CIC: variants seen among roughly 807,000 people sequenced by gnomAD.
The protein encoded by CIC is capicua transcriptional repressor.
CIC carries 18 observed loss-of-function variants against 115.7 expected under a neutral mutation model. The observed-to-expected ratio is 0.16, with a 90% CI of 0.11 to 0.23. The LOEUF is 0.23. Ranked by LOEUF, CIC falls within the 10% of genes least tolerant of loss-of-function variation. The pLI, the probability that CIC is intolerant of heterozygous loss-of-function variation, is 1.00. For missense variants in CIC, 2,000 were observed against 2,159.3 expected (o/e 0.93, Z 1.46); for synonymous variants, 1,076 against 923.0 (o/e 1.17, Z -3.01).
intron 1 of CIC, 124 bp downstream of exon 1, chr19:42,269,505 G>A (rs1402955311): frequency 7.2e-6 from 1 of 138,840 alleles, no homozygotes; most frequent in Non-Finnish European, 1.6e-5. Context: ...ATGGTGGGAA[G>A]GGAGGAGGGA....
In CIC at chr19:42,293,172, C is replaced by T; in HGVS notation, c.6413C>T (p.Pro2138Leu). The change falls in exon 16 of 21, where the codon CCA becomes CTA. Residue 2138 changes from proline (P) to leucine (L), a missense_variant. Pro to Leu is a moderately conservative substitution (Grantham distance 98). Around this residue, in one of 8 missense-constraint regions of CIC, gnomAD observed 1,466 missense variants for 1,390.4 expected, o/e 1.05. Coordinates refer to ENST00000681038, the MANE Select transcript of CIC (RefSeq NM_001386298.1). ...TCTGAGCTTGAGGGGCAGCCCACAC[C>T]ACCAGCCCCTCCACCCCTGCCAGAG... is the stretch of plus-strand genomic sequence containing the variant. ...PESELEGQPTPPAPPPLPETW... is the reference protein window; with the variant it reads ...PESELEGQPTLPAPPPLPETW... 1 of 1,603,634 alleles carries T rather than the reference C, an allele frequency of 6.2e-7. No individual in the cohort carries two copies. The highest frequency in any genetic ancestry group is 8.5e-7 in the Non-Finnish European group (1 of 1,175,910).
chr19:42,292,053 C>A, intron 12 of CIC, 33 bp from the exon 13 acceptor site: 1 of 1,612,718 alleles, frequency 6.2e-7, no homozygotes. Context: ...GGGGCCACAG[C>A]TCACCCTGGC....
Position 42,293,585 on chromosome 19 carries a change from A to T in CIC, c.6523-7A>T, listed in dbSNP as rs768237264. On this transcript the variant is annotated splice_region_variant and splice_polypyrimidine_tract_variant and intron_variant, in intron 16 of 20. Coordinates refer to ENST00000681038, the MANE Select transcript of CIC (RefSeq NM_001386298.1). ...GTTCGCCATCTCCCTGCCCATCTCC[A>T]CCCCAGGCCAGCAAATTCCCCAGCT... The T allele has an allele frequency of 8.1e-6, 13 of 1,613,082 alleles. No individual in the cohort carries two copies. Among genetic ancestry groups the T allele is most frequent in the Non-Finnish European group, 1.1e-5 (13 of 1,179,908 alleles).
rs750915169 is a variant in CIC, at chr19:42,287,052, G to A, written c.2991G>A (p.Gly997=). Reference sequence around the variant, plus strand: ...TTGCTCATGAACGGCCACCAGGTGGGACAGGGAGTGCTGACCCTGAGCGGC... The same window carrying A: ...TTGCTCATGAACGGCCACCAGGTGGAACAGGGAGTGCTGACCCTGAGCGGC... ...AAVAHERPPG[G]TGSADPERPP... The change falls in exon 4 of 21, where the codon GGG becomes GGA. Residue 997 remains glycine, a synonymous_variant. Transcript: ENST00000681038. This position sits in a 1 kb window ranked among gnomAD's most constrained non-coding sequence, Gnocchi z 8.7. 4 of 1,612,260 alleles carry A rather than the reference G, an allele frequency of 2.5e-6. No individual in the cohort carries two copies. In the South Asian group the frequency reaches 3.3e-5, roughly 13 times the overall value.
At chr19:42,290,072 C>T (rs2037962758) in intron 10 of CIC, 121 bp downstream of exon 10, 18 of 1,371,788 alleles carry the variant, frequency 1.3e-5, no homozygotes, top group East Asian at 6.9e-5. Flanking sequence ...CTGCTTGCCC[C>T]GTGGGGAGTT....
At chr19:42,271,148 A>ATG (rs138257875) in intron 1 of CIC, among the ~76,000 whole-genome samples, 19 of 152,048 alleles carry the variant, frequency 1.2e-4, no homozygotes, top group South Asian at 8.3e-4. Flanking sequence ...GTACTTGTGC[A>ATG]TGTGTGTGTG....
At chr19:42,271,526 T>G (rs2036790072) in intron 1 of CIC, among the ~76,000 whole-genome samples, 1 of 152,180 alleles carries the variant, frequency 6.6e-6, no homozygotes, top group African/African-American at 2.4e-5. Flanking sequence ...ATGTGCTCTG[T>G]GTCCTTTGCA....
At position 42,289,184 on chromosome 19, in the gene CIC, G is replaced by A; in HGVS notation, c.3865G>A (p.Val1289Met). 1 of 1,613,286 alleles carries A rather than the reference G, an allele frequency of 6.2e-7. No individual in the cohort carries two copies. The highest frequency in any genetic ancestry group is 8.5e-7 in the Non-Finnish European group (1 of 1,180,036). Residue 1289 changes from valine to methionine, a missense_variant, in exon 9 of 21, where the codon GTG becomes ATG. Physicochemically the swap from Val to Met is conservative, Grantham distance 21. Coordinates refer to ENST00000681038, the MANE Select transcript of CIC (RefSeq NM_001386298.1). ...SQALQELTQM[V>M]SGPASYSGPK... The stretch of plus-strand genomic sequence containing the variant: ...CTCTCTGCCACCTATCCTGCAGATG[G>A]TGTCTGGCCCTGCATCGTACTCTGG...
Position 42,293,051 on chromosome 19 carries a change from G to A in CIC, c.6292G>A (p.Val2098Met), listed in dbSNP as rs202242046. ...KVKAAIASIP[V>M]GSFEAGASGR... The stretch of plus-strand genomic sequence containing the variant: ...GAAGGCAGCCATCGCCAGCATTCCC[G>A]TGGGGTCCTTTGAGGCAGGTGCCTC... Residue 2098 changes from valine to methionine, a missense_variant, in exon 16 of 21, where the codon GTG becomes ATG. By Grantham distance (21) the Val-to-Met change is conservative. This residue lies in a region of CIC where 1,466 missense variants were observed against 1,390.4 expected (regional missense o/e 1.05). Coordinates refer to ENST00000681038, the MANE Select transcript of CIC (RefSeq NM_001386298.1). 393 of 1,612,624 alleles carry A rather than the reference G, an allele frequency of 2.4e-4. No individual in the cohort carries two copies. The highest frequency in any genetic ancestry group is 3.2e-4 in the Non-Finnish European group (382 of 1,179,778).
At chr19:42,288,116 A>T (rs747792343) in intron 7 of CIC, 141 bp downstream of exon 7, 17 of 921,266 alleles carry the variant, frequency 1.8e-5, no homozygotes, top group African/African-American at 3.3e-5. Context: ...CCGTAAAGGA[A>T]CCGGCAGTTG....
In CIC at chr19:42,287,317, C is replaced by T. The variant is rs1331265642; in HGVS notation, c.3180-3C>T. ...CCTCACTGTCCCTGCTGCCCCGCCG[C>T]AGCTTCCTCTCCATCATGTCTCCTG... On this transcript the variant is annotated splice_polypyrimidine_tract_variant and splice_region_variant and intron_variant, in intron 4 of 20. Coordinates refer to ENST00000681038, the MANE Select transcript of CIC (RefSeq NM_001386298.1). This position sits in a 1 kb window ranked among gnomAD's most constrained non-coding sequence, Gnocchi z 8.7. 1 of 1,614,120 alleles carries T rather than the reference C, an allele frequency of 6.2e-7. No homozygotes were observed. The highest frequency in any genetic ancestry group is 1.7e-5 in the Admixed American group (1 of 60,032).
chr19:42,290,379 C>G lies in CIC; in HGVS notation c.4338C>G (p.Ser1446=). 1 of 1,614,142 alleles carries G rather than the reference C, an allele frequency of 6.2e-7. No individual in the cohort carries two copies. Among genetic ancestry groups the G allele is most frequent in the East Asian group, 2.2e-5 (1 of 44,870 alleles). Reference sequence around the variant, plus strand: ...GTTCCGCCCCATCCTCCTCTGCGTCCTCGCCTGCTTCCTCCTCAGCCTCGG... The same window carrying G: ...GTTCCGCCCCATCCTCCTCTGCGTCGTCGCCTGCTTCCTCCTCAGCCTCGG... ...GYGSAPSSSA[S]SPASSSASAA... Residue 1446 remains serine, a synonymous_variant, in exon 11 of 21, where the codon TCC becomes TCG. Transcript: ENST00000681038.
intron 19 of CIC, 24 bp downstream of exon 19, chr19:42,294,328 G>A (rs1292275500): frequency 6.2e-7 from 1 of 1,611,108 alleles, no homozygotes; most frequent in Non-Finnish European, 8.5e-7. Context: ...CAGAACTTTG[G>A]GGGCCTGGGG....
At position 42,287,797 on chromosome 19, in the gene CIC, C is replaced by T. The variant is rs1412158446; in HGVS notation, c.3493-13C>T. On this transcript the variant is annotated splice_polypyrimidine_tract_variant and intron_variant, in intron 6 of 20. Transcript: ENST00000681038. The surrounding 1 kb of genome is among the most constrained non-coding windows in gnomAD (Gnocchi z 8.7). ...GTGGGTGAGTGAAGGGTTGCCCTGC[C>T]CTCTCCTGCCAGGTGAAGGAGGCCC... 1.2e-6 allele frequency: 2 copies of T among 1,614,020 alleles called. No individual in the cohort carries two copies. The highest frequency in any genetic ancestry group is 1.3e-5 in the African/African-American group (1 of 75,040).
chr19:42,295,327 C>T lies in CIC; in HGVS notation c.*136C>T. 4 of 742,010 alleles carry T rather than the reference C, an allele frequency of 5.4e-6. No homozygotes were observed. Among genetic ancestry groups the T allele is most frequent in the Non-Finnish European group, 6.5e-6 (3 of 460,854 alleles). The allele number at this position is 742,010 out of a possible 1,614,324, so 46.0% of individuals were successfully genotyped here. On this transcript the variant is annotated 3_prime_UTR_variant, in exon 21 of 21. Transcript: ENST00000681038. ...TTGGGGCGGAATGAGGCCTGCTCCT[C>T]TTGTAAATACCCCCTTCCCTCGAAG...
chr19:42,280,679 G>T lies in CIC; in HGVS notation c.2795-6092G>T, dbSNP rs988254503. Among the ~76,000 whole-genome samples the T allele has an allele frequency of 5.3e-5, 8 of 152,074 alleles. No individual in the cohort carries two copies. Among genetic ancestry groups the T allele is most frequent in the Admixed American group, 4.6e-4 (7 of 15,290 alleles). ...TGTCAGGCCGGCCGGGCACCCGTCC[G>T]CCCTCCCTGCACAAAGCGGCTTTGT... On this transcript the variant is annotated intron_variant, in intron 2 of 20. Transcript: ENST00000681038. This position sits in a 1 kb window ranked among gnomAD's most constrained non-coding sequence, Gnocchi z 4.9.
rs1394050113 is a variant in CIC at position 42,289,358 on chromosome 19, G to A, written c.4039G>A (p.Glu1347Lys). 1 of 1,612,706 alleles carries A rather than the reference G, an allele frequency of 6.2e-7. No individual in the cohort carries two copies. The highest frequency in any genetic ancestry group is 8.5e-7 in the Non-Finnish European group (1 of 1,179,298). The change falls in exon 9 of 21, where the codon GAG becomes AAG. Residue 1347 changes from glutamate (E) to lysine (K), a missense_variant. Transcript: ENST00000681038. ...GGCCAGTGAGGACATGACGAGTGAT[G>A]AGGAGCGCATGGTCATCTGTGAGGA... ...RAASEDMTSDEERMVICEEEG... is the reference protein window; with the variant it reads ...RAASEDMTSDKERMVICEEEG...
Position 42,273,552 on chromosome 19 carries a change from C to T in CIC, c.1769C>T (p.Ser590Leu). 1 of 398,556 alleles carries T rather than the reference C, an allele frequency of 2.5e-6. No homozygotes were observed. Among genetic ancestry groups the T allele is most frequent in the Non-Finnish European group, 4.4e-6 (1 of 226,014 alleles). 24.7% of individuals were successfully genotyped at this position (398,556 alleles called of 1,614,324 possible). A position where few individuals can be genotyped will look rare whatever the true frequency, so the allele number is the denominator to read the frequency against. ...RPRLVAPADL[S>L]RFEFDECEAA... is the part of the protein sequence containing the mutation. ...CGCCTGGTGGCCCCTGCTGACTTGT[C>T]ACGCTTTGAGTTCGACGAGTGTGAG... The change falls in exon 2 of 21, where the codon TCA (serine) becomes TTA (leucine). Residue 590 changes from serine to leucine, a missense_variant. Physicochemically the swap from Ser to Leu is moderately radical, Grantham distance 145 (BLOSUM62 -2). Coordinates refer to ENST00000681038, the MANE Select transcript of CIC (RefSeq NM_001386298.1).
At chr19:42,289,511 C>T in intron 9 of CIC, 105 bp downstream of exon 9, 1 of 1,308,962 alleles carries the variant, frequency 7.6e-7, no homozygotes, top group Non-Finnish European at 1.1e-6. Context: ...GTTTTCTTTT[C>T]CACTTGGTTT....
Sources: allele counts gnomAD v4.1 joint callset (sites outside exome capture counted in the v4.1 genomes callset), GRCh38; gene constraint gnomAD v4.1.1; regional missense constraint gnomAD v4.1.1; non-coding constraint Gnocchi (gnomAD v3.1); transcripts MANE v1.5; gene names NCBI Gene and HGNC (gene_info 2026-07-23, HGNC 2026-07-21).